Variants in HRH1 observed in about 807,000 individuals in gnomAD.
HRH1 encodes the protein histamine receptor H1, also known as histamine H1 receptor.
HRH1 carries 6 observed loss-of-function variants against 10.3 expected under a neutral mutation model. The observed-to-expected ratio is 0.58, with a 90% CI of 0.32 to 1.15. HRH1 has a LOEUF of 1.15. HRH1 is among the 50% of genes most tolerant of loss of function. The pLI is 0.05. For synonymous variants in HRH1, 242 were observed against 236.7 expected (o/e 1.02, Z -0.21); for missense variants, 514 against 615.3 (o/e 0.84, Z 1.74).
At chr3:11,177,768 C>T (rs1164791056) in intron 1 of HRH1, among the ~76,000 whole-genome samples, 1 of 152,250 alleles carries the variant, frequency 6.6e-6, no homozygotes, top group Non-Finnish European at 1.5e-5. Context: ...AATGAATTCA[C>T]TTTGCTTGCT....
intron 1 of HRH1, among the ~76,000 whole-genome samples, chr3:11,231,921 C>T (rs141659367): frequency 3.2e-4 from 49 of 151,608 alleles, no homozygotes; most frequent in African/African-American, 1.1e-3. Context: ...CTGAAGATTT[C>T]CTCTAATGTG....
At position 11,262,410 on chromosome 3, in the gene HRH1, T is replaced by C. The variant is rs1350105644; in HGVS notation, c.*1909T>C. ...TATGGGCTTTCTCTTTGGTTTCTCA[T>C]CACATTTGTAAATGTCTTTTCAAAA... On this transcript the variant is annotated 3_prime_UTR_variant, in exon 2 of 2. Coordinates refer to ENST00000431010, the MANE Select transcript of HRH1 (RefSeq NM_001098212.2). 3 of 167,134 alleles carry C rather than the reference T, an allele frequency of 1.8e-5. No individual in the cohort carries two copies. The highest frequency in any genetic ancestry group is 4.4e-5 in the Non-Finnish European group (3 of 68,124). 10.4% of individuals were successfully genotyped at this position (167,134 alleles called of 1,614,324 possible). A position where few individuals can be genotyped will look rare whatever the true frequency, so the allele number is the denominator to read the frequency against.
At chr3:11,191,266 A>G (rs1937525448) in intron 1 of HRH1, among the ~76,000 whole-genome samples, 1 of 152,214 alleles carries the variant, frequency 6.6e-6, no homozygotes, top group South Asian at 2.1e-4. Flanking sequence ...TCCTGCTACT[A>G]AAACCTGCAG....
At position 11,259,000 on chromosome 3, in the gene HRH1, C is replaced by T; in HGVS notation, c.-35-3C>T. 6.5e-7 allele frequency: 1 copy of T among 1,544,070 alleles called. No homozygotes were observed. Among genetic ancestry groups the T allele is most frequent in the Non-Finnish European group, 8.7e-7 (1 of 1,146,822 alleles). On this transcript the variant is annotated splice_polypyrimidine_tract_variant and splice_region_variant and intron_variant, in intron 1 of 1. Transcript: ENST00000431010. ...ACCTTACTTTTTCTCTCTTTTCTCC[C>T]AGGGAGTGAGCCATAACTGGTGGCT...
chr3:11,256,234 T>C (rs938810621), intron 1 of HRH1, among the ~76,000 whole-genome samples: 5 of 152,084 alleles, frequency 3.3e-5, no homozygotes, highest in African/African-American at 7.2e-5. Flanking sequence ...AGAGGATTGC[T>C]CTGATTGGCA....
At position 11,260,189 on chromosome 3, in the gene HRH1, G is replaced by A. The variant is rs1939911634; in HGVS notation, c.1152G>A (p.Leu384=). 2 of 1,613,918 alleles carry A rather than the reference G, an allele frequency of 1.2e-6. No homozygotes were observed. ...GKLRSGSNTG[L]DYIKFTWKRL... ...TGAGGAGTGGGTCTAACACAGGCCTGGATTACATCAAGTTTACTTGGAAGA... is the reference window on the plus strand; with the variant it reads ...TGAGGAGTGGGTCTAACACAGGCCTAGATTACATCAAGTTTACTTGGAAGA... Residue 384 remains leucine, a synonymous_variant, in exon 2 of 2, where the codon CTG becomes CTA. Transcript: ENST00000431010.
intron 1 of HRH1, among the ~76,000 whole-genome samples, chr3:11,230,751 T>C (rs545160664): frequency 6.6e-5 from 10 of 152,316 alleles, no homozygotes; most frequent in African/African-American, 2.4e-4. Flanking sequence ...CTTTAAACCA[T>C]AGTGGCTGGG....
At chr3:11,147,436 G>A (rs1248846546) in intron 1 of HRH1, among the ~76,000 whole-genome samples, 1 of 152,164 alleles carries the variant, frequency 6.6e-6, no homozygotes, top group Non-Finnish European at 1.5e-5. Context: ...GCACATGACA[G>A]TCAGTATTTA....
At chr3:11,216,279 C>T (rs1046682053) in intron 1 of HRH1, among the ~76,000 whole-genome samples, 1 of 152,020 alleles carries the variant, frequency 6.6e-6, no homozygotes, top group Non-Finnish European at 1.5e-5. Context: ...AGTATATACC[C>T]GAAAGAATTG....
chr3:11,175,722 T>C (rs1051729830), intron 1 of HRH1, among the ~76,000 whole-genome samples: 1 of 152,178 alleles, frequency 6.6e-6, no homozygotes, highest in Non-Finnish European at 1.5e-5. Flanking sequence ...ACATCTAGAA[T>C]CAGGTTAACA....
chr3:11,214,957 T>A (rs1157277455), intron 1 of HRH1, among the ~76,000 whole-genome samples: 1 of 152,254 alleles, frequency 6.6e-6, no homozygotes, highest in African/African-American at 2.4e-5. Context: ...GAATGAATTC[T>A]ATAGATACCT....
At chr3:11,219,878 C>A (rs1938644688) in intron 1 of HRH1, among the ~76,000 whole-genome samples, 1 of 151,454 alleles carries the variant, frequency 6.6e-6, no homozygotes, top group South Asian at 2.1e-4. Context: ...TAATGTTAGA[C>A]CTTGTCAAAA....
chr3:11,246,739 T>G (rs1939500463), intron 1 of HRH1, among the ~76,000 whole-genome samples: 1 of 152,188 alleles, frequency 6.6e-6, no homozygotes, highest in Non-Finnish European at 1.5e-5. Flanking sequence ...AAATACAGAT[T>G]TTTTTAAATA....
chr3:11,227,902 T>A (rs549884133), intron 1 of HRH1, among the ~76,000 whole-genome samples: 1 of 152,290 alleles, frequency 6.6e-6, no homozygotes, highest in East Asian at 1.9e-4. Flanking sequence ...TTGGATGAAC[T>A]AGGACAGGCC....
chr3:11,259,193 A>G lies in HRH1; in HGVS notation c.156A>G (p.Val52=). ...TCAACCTGCTGGTGCTGTATGCCGT[A>G]CGGAGTGAGCGGAAGCTCCACACTG... ...VGLNLLVLYA[V]RSERKLHTVG... is the part of the protein sequence containing the mutation. The change falls in exon 2 of 2, where the codon GTA becomes GTG. Residue 52 remains valine (V), a synonymous_variant. Transcript: ENST00000431010. The surrounding 1 kb of genome is among the most constrained non-coding windows in gnomAD (Gnocchi z 4.6). The G allele has an allele frequency of 6.2e-7, 1 of 1,613,400 alleles. No individual in the cohort carries two copies. The highest frequency in any genetic ancestry group is 8.5e-7 in the Non-Finnish European group (1 of 1,179,966).
intron 1 of HRH1, among the ~76,000 whole-genome samples, chr3:11,176,749 A>C (rs1219057970): frequency 6.6e-6 from 1 of 152,244 alleles, no homozygotes; most frequent in Non-Finnish European, 1.5e-5. Context: ...ATAGAATTCG[A>C]ACAGGACTAT....
upstream of HRH1, among the ~76,000 whole-genome samples, chr3:11,152,580 G>T (rs1248411733): frequency 6.6e-6 from 1 of 151,798 alleles, no homozygotes; most frequent in Non-Finnish European, 1.5e-5. Flanking sequence ...TGAAAGTGTG[G>T]ACGCAGCCAT....
At chr3:11,137,389 A>C (rs1160546694) in exon 1 of HRH1, 4 of 152,656 alleles carry the variant, frequency 2.6e-5, no homozygotes, top group Non-Finnish European at 5.9e-5. Flanking sequence ...GAAGCTACTG[A>C]AACCAGCCAG....
chr3:11,210,466 T>C (rs1455960221), intron 1 of HRH1, among the ~76,000 whole-genome samples: 1 of 151,988 alleles, frequency 6.6e-6, no homozygotes, highest in Non-Finnish European at 1.5e-5. Flanking sequence ...AATGAGATGG[T>C]GTGTACACCC....
Sources: allele counts gnomAD v4.1 joint callset (sites outside exome capture counted in the v4.1 genomes callset), GRCh38; gene constraint gnomAD v4.1.1; non-coding constraint Gnocchi (gnomAD v3.1); transcripts MANE v1.5; gene names NCBI Gene and HGNC (gene_info 2026-07-23, HGNC 2026-07-21).